SBF2: variants seen among roughly 807,000 people sequenced by gnomAD.
SBF2 encodes the protein myotubularin-related protein 13.
A neutral mutation model predicts 225.2 loss-of-function variants in SBF2; 112 were observed. The observed-to-expected ratio is 0.50, with a 90% CI of 0.43 to 0.58. The LOEUF (loss-of-function observed/expected upper bound fraction) is 0.58. Ranked by LOEUF, SBF2 falls within the 20% of genes least tolerant of loss-of-function variation. The probability of loss-of-function intolerance (pLI) is 0.00; values close to 1 mark genes in which losing one functional copy is unlikely to be tolerated. For missense variants in SBF2, 1,996 were observed against 2,206.2 expected, an observed-to-expected ratio of 0.90 and a Z score of 1.91; for synonymous variants, 763 against 773.3, an observed-to-expected ratio of 0.99 and a Z score of 0.22.
At chr11:10,051,888 T>G (rs1195733178) in intron 2 of SBF2, among the ~76,000 whole-genome samples, 1 of 152,166 alleles carries the variant, frequency 6.6e-6, no homozygotes, top group Non-Finnish European at 1.5e-5. Context: ...GAAGTACTCC[T>G]CATAGAATTT....
At chr11:9,858,488 T>A (rs1453202549) in intron 17 of SBF2, 92 bp from the exon 18 acceptor site, 4 of 1,265,156 alleles carry the variant, frequency 3.2e-6, no homozygotes, top group Non-Finnish European at 4.6e-6. Flanking sequence ...ATAGATGAGA[T>A]CAAAGGATTT....
At chr11:10,151,765 T>C (rs1415020921) in intron 2 of SBF2, among the ~76,000 whole-genome samples, 8 of 152,204 alleles carry the variant, frequency 5.3e-5, no homozygotes, top group Admixed American at 1.3e-4. Flanking sequence ...AAGAAATTTC[T>C]AGCTTTGCAG....
intron 2 of SBF2, among the ~76,000 whole-genome samples, chr11:10,089,614 C>A (rs1366641549): frequency 6.6e-6 from 1 of 151,970 alleles, no homozygotes; most frequent in Non-Finnish European, 1.5e-5. Flanking sequence ...TGTATGTATA[C>A]AGGGTAGTTA....
In SBF2 at chr11:10,033,663, A is replaced by AACACAC. The variant is rs66939707; in HGVS notation, c.280-2499_280-2494dup. Among the ~76,000 whole-genome samples the AACACAC allele has an allele frequency of 6.5e-3, 976 of 149,762 alleles. 9 individuals carry two copies. The highest frequency in any genetic ancestry group is 0.017 in the African/African-American group (713 of 40,850). Reference sequence around the variant, plus strand: ...AAAGCAAAATGTACTGCTGTGATTAAACACACACACACACACACACACACA... The same window carrying AACACAC: ...AAAGCAAAATGTACTGCTGTGATTAAACACACACACACACACACACACACACACACA... On this transcript the variant is annotated intron_variant, in intron 3 of 39. Transcript: ENST00000256190.
chr11:10,175,255 T>C (rs201278947), intron 2 of SBF2, among the ~76,000 whole-genome samples: 9,985 of 151,596 alleles, frequency 0.066, 467 homozygotes, highest in East Asian at 0.27. Flanking sequence ...GTGTTCTGTA[T>C]TCAGGAAACC....
At chr11:9,803,867 A>C (rs529411509) in intron 32 of SBF2, among the ~76,000 whole-genome samples, 5 of 152,182 alleles carry the variant, frequency 3.3e-5, no homozygotes, top group Non-Finnish European at 5.9e-5. Flanking sequence ...AGAAGGAAGA[A>C]TAGCAGTAAA....
At chr11:10,300,564 G>A (rs977426863) in intron 1 of SBF2, among the ~76,000 whole-genome samples, 2 of 151,666 alleles carry the variant, frequency 1.3e-5, no homozygotes, top group African/African-American at 4.8e-5. Flanking sequence ...CTTTCCAGGT[G>A]CTTCTAATCT....
intron 1 of SBF2, among the ~76,000 whole-genome samples, chr11:10,265,443 G>C (rs1961882880): frequency 8.4e-6 from 1 of 118,378 alleles, no homozygotes; most frequent in African/African-American, 3.3e-5. Flanking sequence ...TTTTTTTCTT[G>C]TAAATTTAAC....
intron 32 of SBF2, among the ~76,000 whole-genome samples, chr11:9,796,880 T>C (rs1564861750): frequency 6.6e-6 from 1 of 152,224 alleles, no homozygotes; most frequent in Non-Finnish European, 1.5e-5. Flanking sequence ...GGAATGGTCA[T>C]TGAGCTATAG....
Position 10,233,026 on chromosome 11 carries a change from T to C in SBF2, c.56-39039A>G, listed in dbSNP as rs993973082. ...CAGAGGTCATGAATCCAGTCTATAATAGAAAATGCTGAAAACATAAATGGT... is the reference window on the plus strand; with the variant it reads ...CAGAGGTCATGAATCCAGTCTATAACAGAAAATGCTGAAAACATAAATGGT... On this transcript the variant is annotated intron_variant, in intron 1 of 39. Transcript: ENST00000256190. 7.2e-5 allele frequency among the ~76,000 whole-genome samples: 11 copies of C among 152,178 alleles called. No homozygotes were observed. The South Asian group carries it at 8.3e-4, about 11-fold the overall frequency.
chr11:9,962,837 G>GT (rs1160856842), intron 15 of SBF2, among the ~76,000 whole-genome samples: 40 of 152,120 alleles, frequency 2.6e-4, no homozygotes, highest in Non-Finnish European at 2.4e-4. Flanking sequence ...CTAAAGGTGG[G>GT]TATAAGAAAT....
intron 2 of SBF2, among the ~76,000 whole-genome samples, chr11:10,155,791 A>T (rs976296515): frequency 6.6e-6 from 1 of 152,252 alleles, no homozygotes; most frequent in African/African-American, 2.4e-5. Flanking sequence ...ATTACCATGT[A>T]CTTTATACTA....
intron 2 of SBF2, among the ~76,000 whole-genome samples, chr11:10,097,376 C>T (rs764072471): frequency 2.0e-5 from 3 of 152,142 alleles, no homozygotes; most frequent in African/African-American, 4.8e-5. Context: ...AAAGCACAAA[C>T]GGGCTGACAC....
chr11:10,129,904 G>C (rs996867465), intron 2 of SBF2, among the ~76,000 whole-genome samples: 1 of 152,044 alleles, frequency 6.6e-6, no homozygotes, highest in African/African-American at 2.4e-5. Flanking sequence ...CAGCTACTTG[G>C]GAAGCTGAGG....
At chr11:10,000,448 T>C (rs1486358293) in intron 8 of SBF2, among the ~76,000 whole-genome samples, 1 of 152,222 alleles carries the variant, frequency 6.6e-6, no homozygotes. Context: ...TTGCTTCTTC[T>C]ATTCATATGG....
intron 20 of SBF2, 34 bp downstream of exon 20, chr11:9,853,506 T>G: frequency 6.3e-7 from 1 of 1,592,394 alleles, no homozygotes; most frequent in Non-Finnish European, 8.6e-7. Context: ...TAATCTCCAA[T>G]ATTCTGATTC....
chr11:10,027,210 G>C (rs748233828), intron 6 of SBF2, among the ~76,000 whole-genome samples: 3 of 152,058 alleles, frequency 2.0e-5, no homozygotes, highest in Non-Finnish European at 2.9e-5. Flanking sequence ...TTGAAATTTT[G>C]TATCTTTTGA....
At chr11:10,026,483 C>G (rs538053347) in intron 6 of SBF2, among the ~76,000 whole-genome samples, 1 of 152,270 alleles carries the variant, frequency 6.6e-6, no homozygotes, top group East Asian at 1.9e-4. Context: ...ATAATCCCAG[C>G]TCTTTGGGAG....
chr11:10,016,026 C>T (rs556654380), intron 6 of SBF2, among the ~76,000 whole-genome samples: 7 of 152,104 alleles, frequency 4.6e-5, no homozygotes, highest in Non-Finnish European at 1.5e-5. Flanking sequence ...ATCGACCCGC[C>T]TCGGCCTCCC....
Sources: gnomAD v4.1 joint callset for allele counts (sites outside exome capture counted in the v4.1 genomes callset) on GRCh38, gnomAD v4.1.1 for gene constraint, MANE v1.5 for transcripts, NCBI Gene and HGNC (gene_info 2026-07-23, HGNC 2026-07-21) for gene names.